Variants in CDH13 observed in about 807,000 individuals in gnomAD.
The protein encoded by CDH13 is cadherin 13.
A neutral mutation model predicts 63.8 loss-of-function variants in CDH13; 24 were observed. The ratio of observed to expected loss-of-function variants is 0.38; its 90% CI spans 0.27 to 0.53. The LOEUF (loss-of-function observed/expected upper bound fraction) is 0.53. CDH13 is among the 20% of genes least tolerant of loss of function. The pLI is 0.85. For missense variants in CDH13, 1,049 were observed against 903.1 expected (o/e 1.16, Z -2.07); for synonymous variants, 503 against 355.3 (o/e 1.42, Z -4.67).
intron 6 of CDH13, among the ~76,000 whole-genome samples, chr16:83,364,007 C>A (rs993771299): frequency 6.6e-6 from 1 of 152,132 alleles, no homozygotes; most frequent in Non-Finnish European, 1.5e-5. Context: ...CTCATTCCCT[C>A]CACACTCACC....
At chr16:82,693,279 C>T (rs1915810816) in intron 1 of CDH13, among the ~76,000 whole-genome samples, 1 of 152,148 alleles carries the variant, frequency 6.6e-6, no homozygotes, top group Non-Finnish European at 1.5e-5. Flanking sequence ...TGAATAAGTA[C>T]CTCTTTATTT....
intron 2 of CDH13, among the ~76,000 whole-genome samples, chr16:83,021,631 C>T (rs561064902): frequency 6.6e-6 from 1 of 152,200 alleles, no homozygotes; most frequent in Non-Finnish European, 1.5e-5. Flanking sequence ...CTTCTGCTGA[C>T]ATGATAGAAT....
intron 7 of CDH13, among the ~76,000 whole-genome samples, chr16:83,509,359 G>A (rs572632494): frequency 1.3e-5 from 2 of 152,336 alleles, no homozygotes; most frequent in East Asian, 3.9e-4. Flanking sequence ...GCACTGATCT[G>A]CAGATTTTAC....
At chr16:83,399,669 G>T (rs2091938672) in intron 6 of CDH13, among the ~76,000 whole-genome samples, 1 of 152,160 alleles carries the variant, frequency 6.6e-6, no homozygotes. Context: ...CTTTCTCCTT[G>T]TTCGCTGGGA....
At chr16:83,739,259 C>A (rs1911834704) in intron 10 of CDH13, among the ~76,000 whole-genome samples, 1 of 151,506 alleles carries the variant, frequency 6.6e-6, no homozygotes, top group South Asian at 2.1e-4. Context: ...ACCAGCCCCC[C>A]AAAAAAAACC....
chr16:83,111,409 G>C (rs536961763), intron 3 of CDH13, among the ~76,000 whole-genome samples: 1 of 152,126 alleles, frequency 6.6e-6, no homozygotes, highest in African/African-American at 2.4e-5. Flanking sequence ...TTAGACTAAA[G>C]CATAAATAAT....
chr16:82,943,748 C>G (rs892733278), intron 2 of CDH13, among the ~76,000 whole-genome samples: 1 of 152,220 alleles, frequency 6.6e-6, no homozygotes, highest in Non-Finnish European at 1.5e-5. Context: ...ATTTGGACTG[C>G]TGCAATCAAT....
At chr16:83,703,303 A>G (rs1906523884) in intron 10 of CDH13, among the ~76,000 whole-genome samples, 1 of 152,250 alleles carries the variant, frequency 6.6e-6, no homozygotes, top group South Asian at 2.1e-4. Flanking sequence ...TCAAAAATGT[A>G]TACACTCAGG....
chr16:83,048,219 T>G lies in CDH13; in HGVS notation c.366+16001T>G, dbSNP rs570778400. Among the ~76,000 whole-genome samples, 311 of 152,312 alleles carry G rather than the reference T, an allele frequency of 2.0e-3. 1 individual carries two copies. The highest frequency in any genetic ancestry group is 9.1e-3 in the South Asian group (44 of 4,826). On this transcript the variant is annotated intron_variant, in intron 3 of 13. Transcript: ENST00000567109. The stretch of plus-strand genomic sequence containing the variant: ...TTGGTTACTTTGAAACTTTCATAAC[T>G]CAGGTATTCCCATTGTACAATAGCC...
At position 83,077,406 on chromosome 16, in the gene CDH13, T is replaced by C. The variant is rs373622272; in HGVS notation, c.366+45188T>C. ...TATGGTTTTGCCATGTTGGCCAGGC[T>C]GGTCTCGAACTCCTGACCTCAAGTG... On this transcript the variant is annotated intron_variant, in intron 3 of 13. Coordinates refer to ENST00000567109, the MANE Select transcript of CDH13 (RefSeq NM_001257.5). Among the ~76,000 whole-genome samples, 10 of 152,100 alleles carry C rather than the reference T, an allele frequency of 6.6e-5. No homozygotes were observed. The South Asian group carries it at 2.1e-3, about 32-fold the overall frequency.
At chr16:83,465,701 G>C (rs2073296939) in intron 6 of CDH13, among the ~76,000 whole-genome samples, 1 of 152,212 alleles carries the variant, frequency 6.6e-6, no homozygotes, top group African/African-American at 2.4e-5. Context: ...GATGGTCTGT[G>C]CATGTCCTTG....
intron 7 of CDH13, among the ~76,000 whole-genome samples, chr16:83,491,408 C>T (rs1040178588): frequency 1.3e-5 from 2 of 152,146 alleles, no homozygotes; most frequent in African/African-American, 2.4e-5. Context: ...CTATGTCTGG[C>T]TGCACTACAA....
intron 3 of CDH13, among the ~76,000 whole-genome samples, chr16:83,043,100 G>A (rs1917467137): frequency 1.3e-5 from 2 of 152,170 alleles, no homozygotes; most frequent in Non-Finnish European, 2.9e-5. Flanking sequence ...ATAATAGGCT[G>A]TTACATCTTG....
At chr16:83,324,576 A>G (rs1366451793) in intron 5 of CDH13, among the ~76,000 whole-genome samples, 2 of 152,216 alleles carry the variant, frequency 1.3e-5, no homozygotes, top group Non-Finnish European at 2.9e-5. Context: ...AGTTGATGTC[A>G]GAGCTTCATC....
intron 1 of CDH13, among the ~76,000 whole-genome samples, chr16:82,818,111 T>C (rs1442062711): frequency 7.4e-6 from 1 of 135,324 alleles, no homozygotes; most frequent in East Asian, 2.9e-4. Context: ...CATACATGTA[T>C]GGTTGTGTGT....
At chr16:82,871,368 G>C (rs1389934099) in intron 2 of CDH13, among the ~76,000 whole-genome samples, 1 of 152,106 alleles carries the variant, frequency 6.6e-6, no homozygotes, top group African/African-American at 2.4e-5. Flanking sequence ...GTCCTGAGAT[G>C]GGGACAGTTT....
At chr16:83,287,639 C>T (rs549877802) in intron 5 of CDH13, among the ~76,000 whole-genome samples, 1 of 152,270 alleles carries the variant, frequency 6.6e-6, no homozygotes, top group South Asian at 2.1e-4. Flanking sequence ...AAGCTCAGGG[C>T]TCTCACTGAT....
chr16:83,006,648 A>T (rs1412651160), intron 2 of CDH13, among the ~76,000 whole-genome samples: 1 of 152,186 alleles, frequency 6.6e-6, no homozygotes, highest in Non-Finnish European at 1.5e-5. Context: ...CTAAAGAAGC[A>T]AATAATGATG....
chr16:83,073,548 G>T (rs893439729), intron 3 of CDH13, among the ~76,000 whole-genome samples: 1 of 151,962 alleles, frequency 6.6e-6, no homozygotes, highest in Non-Finnish European at 1.5e-5. Flanking sequence ...TTCCCTGTGA[G>T]CCCTCCCTAA....
Sources: allele counts gnomAD v4.1 joint callset (sites outside exome capture counted in the v4.1 genomes callset), GRCh38; gene constraint gnomAD v4.1.1; transcripts MANE v1.5; gene names NCBI Gene and HGNC (gene_info 2026-07-23, HGNC 2026-07-21).